Variants in ELMO1 observed in about 807,000 individuals in gnomAD.
The protein encoded by ELMO1 is engulfment and cell motility protein 1.
A neutral mutation model predicts 98.9 loss-of-function variants in ELMO1; 26 were observed. That is an observed-to-expected ratio of 0.26 (90% confidence interval 0.19 to 0.36). The LOEUF (loss-of-function observed/expected upper bound fraction) is 0.36. Among genes scored for constraint, ELMO1 ranks in the 10% least tolerant of loss-of-function variants. ELMO1 has a pLI of 1.00. For synonymous variants in ELMO1, 346 were observed against 346.0 expected, an observed-to-expected ratio of 1.00 and a Z score of 0.00; for missense variants, 627 against 935.2, an observed-to-expected ratio of 0.67 and a Z score of 4.30.
intron 1 of ELMO1, among the ~76,000 whole-genome samples, chr7:37,397,174 T>C (rs73116799): frequency 6.6e-6 from 1 of 152,330 alleles, no homozygotes; most frequent in Non-Finnish European, 1.5e-5. Context: ...TACTTATATA[T>C]CAAAGCAAGG....
chr7:36,907,617 C>A (rs1784056957), intron 16 of ELMO1, among the ~76,000 whole-genome samples: 1 of 152,182 alleles, frequency 6.6e-6, no homozygotes, highest in African/African-American at 2.4e-5. Context: ...TCTGTTCTAC[C>A]TCTCACAGCT....
At chr7:37,297,366 T>C (rs1798088268) in intron 4 of ELMO1, among the ~76,000 whole-genome samples, 1 of 152,164 alleles carries the variant, frequency 6.6e-6, no homozygotes, top group Non-Finnish European at 1.5e-5. Context: ...AATTCCGGCA[T>C]TCAGAAGCTA....
At chr7:37,323,070 T>G (rs1174602420) in intron 2 of ELMO1, among the ~76,000 whole-genome samples, 1 of 152,158 alleles carries the variant, frequency 6.6e-6, no homozygotes, top group Admixed American at 6.5e-5. Flanking sequence ...CCCACATTCT[T>G]TTCCCCATTC....
chr7:37,286,944 C>CA (rs775904718), intron 4 of ELMO1, among the ~76,000 whole-genome samples: 1 of 152,180 alleles, frequency 6.6e-6, no homozygotes, highest in East Asian at 1.9e-4. Flanking sequence ...CCTCTAATCC[C>CA]AGCACTTTGG....
chr7:37,131,012 A>C (rs767423325), intron 14 of ELMO1, among the ~76,000 whole-genome samples: 19 of 152,176 alleles, frequency 1.2e-4, no homozygotes, highest in Non-Finnish European at 2.5e-4. Flanking sequence ...CATGAATCAA[A>C]ATTTAATTAG....
chr7:37,056,205 A>C (rs568102667), intron 15 of ELMO1, among the ~76,000 whole-genome samples: 20 of 152,348 alleles, frequency 1.3e-4, no homozygotes, highest in African/African-American at 4.6e-4. Flanking sequence ...ATCCCTAGCC[A>C]GTTCTTTACA....
At chr7:37,259,053 A>C in intron 6 of ELMO1, 128 bp downstream of exon 6, 1 of 1,130,130 alleles carries the variant, frequency 8.8e-7, no homozygotes, top group Non-Finnish European at 1.2e-6. Flanking sequence ...CTTAAAAACT[A>C]TTTTTTTCCT....
chr7:37,138,298 T>A (rs1307963760), intron 13 of ELMO1, among the ~76,000 whole-genome samples: 52 of 146,532 alleles, frequency 3.5e-4, no homozygotes, highest in Non-Finnish European at 3.9e-4. Flanking sequence ...TTTGAAAAGA[T>A]AAAAAAAAAA....
intron 13 of ELMO1, among the ~76,000 whole-genome samples, chr7:37,142,599 C>A (rs188914488): frequency 6.6e-6 from 1 of 152,240 alleles, no homozygotes; most frequent in South Asian, 2.1e-4. Context: ...AAGTTGAATG[C>A]GTTTATTTTG....
In ELMO1 at chr7:37,141,971, T is replaced by C. The variant is rs141245982; in HGVS notation, c.1087-8737A>G. ...GTCCACAGTTTAAAGAGCATCGCTG[T>C]CCACAACTAGAGGTTGAATAAGTGC... On this transcript the variant is annotated intron_variant, in intron 13 of 21. Coordinates refer to ENST00000310758, the MANE Select transcript of ELMO1 (RefSeq NM_014800.11). Among the ~76,000 whole-genome samples, 622 of 152,332 alleles carry C rather than the reference T, an allele frequency of 4.1e-3. 3 individuals carry two copies. The highest frequency in any genetic ancestry group is 7.3e-3 in the Non-Finnish European group (494 of 68,026).
At chr7:36,883,642 A>C (rs6962842) in intron 18 of ELMO1, among the ~76,000 whole-genome samples, 12,322 of 151,606 alleles carry the variant, frequency 0.081, 604 homozygotes, top group South Asian at 0.18. Flanking sequence ...CTCCTCGCTG[A>C]CCCTGCCCCA....
chr7:37,395,465 A>G (rs1268562945), intron 1 of ELMO1, among the ~76,000 whole-genome samples: 1 of 152,050 alleles, frequency 6.6e-6, no homozygotes, highest in Non-Finnish European at 1.5e-5. Flanking sequence ...GTAATTCTAG[A>G]ATTGGGGCAG....
chr7:36,861,106 T>G (rs1312149870), intron 21 of ELMO1, among the ~76,000 whole-genome samples: 3 of 152,242 alleles, frequency 2.0e-5, no homozygotes, highest in African/African-American at 7.2e-5. Context: ...AAATGCATTT[T>G]CCTAGATTTA....
chr7:37,060,800 AATTT>A (rs1272037051), intron 15 of ELMO1, among the ~76,000 whole-genome samples: 1 of 152,142 alleles, frequency 6.6e-6, no homozygotes, highest in African/African-American at 2.4e-5. Flanking sequence ...TAAATAAATT[AATTT>A]GTCAAAAATT....
chr7:37,183,601 T>C (rs1448507061), intron 13 of ELMO1, among the ~76,000 whole-genome samples: 2 of 152,070 alleles, frequency 1.3e-5, no homozygotes, highest in African/African-American at 2.4e-5. Context: ...ATTTTCTCTA[T>C]AAAGCACAAC....
chr7:37,090,045 G>T (rs1783991475), intron 15 of ELMO1, among the ~76,000 whole-genome samples: 1 of 152,164 alleles, frequency 6.6e-6, no homozygotes, highest in Non-Finnish European at 1.5e-5. Context: ...ACCTAAAAGA[G>T]ATCCACCGGA....
chr7:36,896,960 C>T (rs1806056239), intron 16 of ELMO1, among the ~76,000 whole-genome samples: 1 of 152,036 alleles, frequency 6.6e-6, no homozygotes, highest in Non-Finnish European at 1.5e-5. Context: ...GAAAAGAATA[C>T]CAAAAATGAA....
intron 2 of ELMO1, among the ~76,000 whole-genome samples, chr7:37,340,662 A>C (rs1962265): frequency 6.6e-6 from 1 of 152,042 alleles, no homozygotes; most frequent in East Asian, 1.9e-4. Flanking sequence ...AACTGGAAAT[A>C]GGGTATAAAT....
intron 5 of ELMO1, among the ~76,000 whole-genome samples, chr7:37,267,601 C>A (rs1341209780): frequency 6.6e-6 from 1 of 152,216 alleles, no homozygotes; most frequent in Non-Finnish European, 1.5e-5. Context: ...CAAATAGATT[C>A]TACTTCAAAT....
Sources: allele counts gnomAD v4.1 joint callset (sites outside exome capture counted in the v4.1 genomes callset), GRCh38; gene constraint gnomAD v4.1.1; transcripts MANE v1.5; gene names NCBI Gene and HGNC (gene_info 2026-07-23, HGNC 2026-07-21).